Variants in TRIO observed in about 807,000 individuals in gnomAD.
The protein encoded by TRIO is trio Rho guanine nucleotide exchange factor.
Under a neutral mutation model 351.9 loss-of-function variants are expected in TRIO, and 58 were observed. The observed-to-expected ratio is 0.16, with a 90% CI of 0.13 to 0.21. The LOEUF is 0.21. TRIO is among the 10% of genes least tolerant of loss of function. The pLI, the probability that TRIO is intolerant of heterozygous loss-of-function variation, is 1.00. For synonymous variants in TRIO, 1,758 were observed against 1,595.7 expected (o/e 1.10, Z -2.42); for missense variants, 3,201 against 4,027.8 (o/e 0.79, Z 5.56).
At chr5:14,243,140 C>T in intron 1 of TRIO, among the ~76,000 whole-genome samples, 1 of 152,134 alleles carries the variant, frequency 6.6e-6, no homozygotes, top group Non-Finnish European at 1.5e-5. Context: ...GAATTCCGGG[C>T]ACTCCCATTA....
In TRIO at chr5:14,507,238, G is replaced by A. The variant is rs1332808924; in HGVS notation, c.8729G>A (p.Arg2910Lys). Residue 2910 changes from arginine to lysine, a missense_variant, in exon 56 of 57, where the codon AGG becomes AAG. Physicochemically the swap from Arg to Lys is conservative, Grantham distance 26. Transcript: ENST00000344204. Reference sequence around the variant, plus strand: ...GCTGTCCGGTACCTGCACAACTGCAGGATAGCACACCTGGACCTAAAGGTT... The same window carrying A: ...GCTGTCCGGTACCTGCACAACTGCAAGATAGCACACCTGGACCTAAAGGTT... ...LEAVRYLHNC[R>K]IAHLDLKPEN... is the part of the protein sequence containing the mutation. 1 of 1,611,822 alleles carries A rather than the reference G, an allele frequency of 6.2e-7. No individual in the cohort carries two copies. Among genetic ancestry groups the A allele is most frequent in the Non-Finnish European group, 8.5e-7 (1 of 1,179,912 alleles).
chr5:14,481,327 C>A (rs1369973762), intron 44 of TRIO, 43 bp downstream of exon 44: 2 of 1,607,706 alleles, frequency 1.2e-6, no homozygotes, highest in South Asian at 2.2e-5. Flanking sequence ...CCCCACCAGC[C>A]TCTTTTCCTA....
intron 13 of TRIO, among the ~76,000 whole-genome samples, chr5:14,361,209 A>G (rs969540373): frequency 9.9e-5 from 15 of 152,230 alleles, no homozygotes; most frequent in African/African-American, 3.4e-4. Flanking sequence ...TCTTAATACT[A>G]TAAAGAGAAA....
intron 8 of TRIO, among the ~76,000 whole-genome samples, chr5:14,315,779 AAT>A (rs1739333255): frequency 6.6e-6 from 1 of 152,138 alleles, no homozygotes; most frequent in African/African-American, 2.4e-5. Context: ...AAAAATACAT[AAT>A]GTTTTTCTTT....
At chr5:14,219,297 G>A (rs1004679768) in intron 1 of TRIO, among the ~76,000 whole-genome samples, 4 of 151,492 alleles carry the variant, frequency 2.6e-5, no homozygotes, top group African/African-American at 7.3e-5. Context: ...CTTACCCCCC[G>A]CCCACAGTGG....
chr5:14,351,712 A>G (rs544711672), intron 11 of TRIO, among the ~76,000 whole-genome samples: 1 of 152,366 alleles, frequency 6.6e-6, no homozygotes, highest in Admixed American at 6.5e-5. Flanking sequence ...ACATAGGATA[A>G]GGACCCCAGG....
chr5:14,150,430 A>G (rs1312878988), intron 1 of TRIO, among the ~76,000 whole-genome samples: 1 of 152,154 alleles, frequency 6.6e-6, no homozygotes, highest in Non-Finnish European at 1.5e-5. Flanking sequence ...TGCACACAAC[A>G]CACACACACC....
intron 1 of TRIO, among the ~76,000 whole-genome samples, chr5:14,217,828 C>T (rs1300200762): frequency 6.6e-6 from 1 of 152,144 alleles, no homozygotes; most frequent in Non-Finnish European, 1.5e-5. Flanking sequence ...CCCAGCCTGA[C>T]ACATGGCTTG....
At chr5:14,426,868 TTTTG>T (rs1444651944) in intron 34 of TRIO, among the ~76,000 whole-genome samples, 1 of 152,160 alleles carries the variant, frequency 6.6e-6, no homozygotes. Context: ...TCTGGGTTTT[TTTTG>T]TTTGTTTCGT....
At chr5:14,387,345 G>C in intron 21 of TRIO, 93 bp from the exon 22 acceptor site, 2 of 1,328,088 alleles carry the variant, frequency 1.5e-6, no homozygotes, top group Non-Finnish European at 2.1e-6. Context: ...TTCCTGTTCA[G>C]AGCTCAGAGT....
At chr5:14,223,969 ATAGT>A (rs1792817954) in intron 1 of TRIO, among the ~76,000 whole-genome samples, 1 of 152,220 alleles carries the variant, frequency 6.6e-6, no homozygotes, top group African/African-American at 2.4e-5. Context: ...CAGGAAGTAC[ATAGT>A]TAGAGACAGA....
intron 11 of TRIO, among the ~76,000 whole-genome samples, chr5:14,352,887 G>A (rs1234079457): frequency 1.9e-4 from 11 of 57,900 alleles, no homozygotes; most frequent in Admixed American, 5.5e-4. Context: ...CTAGTTTTTG[G>A]GTTTTTTTTT....
At position 14,488,174 on chromosome 5, in the gene TRIO, C is replaced by T; in HGVS notation, c.7546C>T (p.His2516Tyr). The T allele has an allele frequency of 1.2e-6, 2 of 1,602,574 alleles. No homozygotes were observed. The highest frequency in any genetic ancestry group is 1.7e-6 in the Non-Finnish European group (2 of 1,179,108). ...SDSLQRQTPRHAAPGKDTDRM... is the reference protein window; with the variant it reads ...SDSLQRQTPRYAAPGKDTDRM... ...CTCCCTCCAGCGGCAGACACCCCGC[C>T]ACGCGGCCCCTGGCAAGGATACTGA... is the stretch of plus-strand genomic sequence containing the variant. Residue 2516 changes from histidine to tyrosine, a missense_variant, in exon 48 of 57, where the codon CAC becomes TAC. This residue lies in a region of TRIO where 1,089 missense variants were observed against 954.9 expected (regional missense o/e 1.14). Transcript: ENST00000344204.
chr5:14,195,472 T>C (rs1790716573), intron 1 of TRIO, among the ~76,000 whole-genome samples: 1 of 152,192 alleles, frequency 6.6e-6, no homozygotes, highest in Non-Finnish European at 1.5e-5. Context: ...GCCAACTCCA[T>C]TGTCAAATTG....
At chr5:14,187,023 G>A (rs910123304) in intron 1 of TRIO, among the ~76,000 whole-genome samples, 1 of 152,190 alleles carries the variant, frequency 6.6e-6, no homozygotes, top group Non-Finnish European at 1.5e-5. Flanking sequence ...GGGCGTGAGG[G>A]CTTGGTAATA....
intron 3 of TRIO, among the ~76,000 whole-genome samples, chr5:14,281,964 G>A (rs1581520268): frequency 2.0e-5 from 3 of 152,340 alleles, no homozygotes; most frequent in East Asian, 1.9e-4. Flanking sequence ...TGACACAAGC[G>A]GGACAAGGCA....
intron 1 of TRIO, among the ~76,000 whole-genome samples, chr5:14,157,865 C>T (rs1788210249): frequency 6.6e-6 from 1 of 152,094 alleles, no homozygotes; most frequent in Non-Finnish European, 1.5e-5. Context: ...TGAGATTATA[C>T]ACAGGAGCCA....
chr5:14,378,536 G>A (rs1745769415), intron 20 of TRIO, among the ~76,000 whole-genome samples: 2 of 151,796 alleles, frequency 1.3e-5, no homozygotes, highest in South Asian at 4.2e-4. Flanking sequence ...AGTAGGAAAT[G>A]TGACAGAATA....
At chr5:14,368,592 A>T in intron 16 of TRIO, 116 bp from the exon 17 acceptor site, 1 of 1,145,198 alleles carries the variant, frequency 8.7e-7, no homozygotes, top group East Asian at 2.4e-5. Flanking sequence ...AGTGAGTATT[A>T]ACTGAAGGTA....
Sources: gnomAD v4.1 joint callset for allele counts (sites outside exome capture counted in the v4.1 genomes callset) on GRCh38, gnomAD v4.1.1 for gene constraint, gnomAD v4.1.1 regional missense constraint, MANE v1.5 for transcripts, NCBI Gene and HGNC (gene_info 2026-07-23, HGNC 2026-07-21) for gene names.